Variants in NME7 observed in about 807,000 individuals in gnomAD.
The protein encoded by NME7 is nucleoside diphosphate kinase 7.
A neutral mutation model predicts 49.1 loss-of-function variants in NME7; 41 were observed. The observed-to-expected ratio is 0.83, with a 90% CI of 0.65 to 1.08. The LOEUF is 1.08. NME7 is among the 50% of genes least tolerant of loss of function. The pLI is 0.00. For synonymous variants in NME7, 139 were observed against 150.6 expected, an observed-to-expected ratio of 0.92 and a Z score of 0.56; for missense variants, 423 against 463.4, an observed-to-expected ratio of 0.91 and a Z score of 0.80.
At position 169,255,959 on chromosome 1, in the gene NME7, G is replaced by C. The variant is rs1318984437; in HGVS notation, c.755-18272C>G. Among the ~76,000 whole-genome samples the C allele has an allele frequency of 4.5e-5, 6 of 133,068 alleles. No individual in the cohort carries two copies. The East Asian group carries it at 1.2e-3, about 27-fold the overall frequency. The allele number at this position is 133,068 out of a possible 152,430, so 87.3% of individuals were successfully genotyped here. ...CTGTTAGTCTGATGGGCTTTCCTTT[G>C]AGGGTAACCCGACCTTTCTCTCTGG... On this transcript the variant is annotated intron_variant, in intron 7 of 11. Coordinates refer to ENST00000367811, the MANE Select transcript of NME7 (RefSeq NM_013330.5).
At chr1:169,253,671 C>G (rs534977991) in intron 7 of NME7, among the ~76,000 whole-genome samples, 1 of 152,140 alleles carries the variant, frequency 6.6e-6, no homozygotes, top group Non-Finnish European at 1.5e-5. Context: ...CTAGTTTTTG[C>G]CCATTCAGTA....
chr1:169,193,298 GTC>G (rs990378226), intron 10 of NME7, among the ~76,000 whole-genome samples: 72 of 152,136 alleles, frequency 4.7e-4, no homozygotes, highest in African/African-American at 1.7e-3. Flanking sequence ...GGCCCCCAAA[GTC>G]TCTCTTTTTG....
chr1:169,209,965 A>G (rs1660767401), intron 10 of NME7, among the ~76,000 whole-genome samples: 1 of 152,140 alleles, frequency 6.6e-6, no homozygotes, highest in African/African-American at 2.4e-5. Context: ...CAATTATCAG[A>G]TTCTTCTAAA....
chr1:169,169,383 CA>C (rs1659511853), intron 11 of NME7, 63 bp downstream of exon 11: 5 of 1,434,158 alleles, frequency 3.5e-6, no homozygotes, highest in Non-Finnish European at 4.8e-6. Context: ...TCTTACACAT[CA>C]GAACTCCTGA....
chr1:169,183,507 TAAGAA>T (rs1327379019), intron 10 of NME7, among the ~76,000 whole-genome samples: 2 of 152,122 alleles, frequency 1.3e-5, no homozygotes, highest in Admixed American at 6.5e-5. Flanking sequence ...ACATATTTCT[TAAGAA>T]AAGCCCTGGC....
chr1:169,158,670 C>T (rs79478286), intron 11 of NME7, among the ~76,000 whole-genome samples: 6,345 of 152,164 alleles, frequency 0.042, 210 homozygotes, highest in East Asian at 0.13. Context: ...TGCACTAGGA[C>T]GGTAGTTCTC....
Position 169,265,465 on chromosome 1 carries a change from T to C in NME7, c.754+21838A>G, listed in dbSNP as rs1207413929. On this transcript the variant is annotated intron_variant, in intron 7 of 11. Transcript: ENST00000367811. ...CAAAGACACAACAAATCAGTATTTCTGGGACACAGCTAAGGCAGTGTTAAG... is the reference window on the plus strand; with the variant it reads ...CAAAGACACAACAAATCAGTATTTCCGGGACACAGCTAAGGCAGTGTTAAG... Among the ~76,000 whole-genome samples, 3 of 133,474 alleles carry C rather than the reference T, an allele frequency of 2.2e-5. 1 individual carries two copies. Among genetic ancestry groups the C allele is most frequent in the Non-Finnish European group, 5.3e-5 (3 of 56,952 alleles). The allele number at this position is 133,474 out of a possible 152,430, so 87.6% of individuals were successfully genotyped here. A position where few individuals can be genotyped will look rare whatever the true frequency, so the allele number is the denominator to read the frequency against.
At position 169,304,177 on chromosome 1, in the gene NME7, C is replaced by T. The variant is rs993182918; in HGVS notation, c.390-982G>A. On this transcript the variant is annotated intron_variant, in intron 4 of 11. Coordinates refer to ENST00000367811, the MANE Select transcript of NME7 (RefSeq NM_013330.5). ...TATTACCACTAAAGAATATCTACAG[C>T]GGCAATAAAAGAATGCATTTTAAAC... Among the ~76,000 whole-genome samples, 12 of 152,142 alleles carry T rather than the reference C, an allele frequency of 7.9e-5. 2 individuals carry two copies. The highest frequency in any genetic ancestry group is 2.1e-4 in the South Asian group (1 of 4,822).
chr1:169,322,677 A>C (rs1049234921), intron 3 of NME7, among the ~76,000 whole-genome samples: 1 of 148,686 alleles, frequency 6.7e-6, no homozygotes, highest in African/African-American at 2.5e-5. Flanking sequence ...ATTAGATATA[A>C]ATATATATAT....
chr1:169,202,335 T>C (rs1252189525), intron 10 of NME7, among the ~76,000 whole-genome samples: 1 of 152,140 alleles, frequency 6.6e-6, no homozygotes, highest in African/African-American at 2.4e-5. Context: ...TAACAGTGTA[T>C]GGCACCCCCC....
At chr1:169,364,270 AT>A (rs936677494) in intron 1 of NME7, among the ~76,000 whole-genome samples, 2 of 152,238 alleles carry the variant, frequency 1.3e-5, no homozygotes, top group Non-Finnish European at 2.9e-5. Context: ...TTTCAACCGA[AT>A]GAGGCAAGTA....
In NME7 at chr1:169,258,346, C is replaced by CA. The variant is rs200814239; in HGVS notation, c.755-20660dup. ...TGGATGACAGAGTAAGACCTTGTCT[C>CA]AAAAAAAATAAAATAAAATAAAATA... On this transcript the variant is annotated intron_variant, in intron 7 of 11. Transcript: ENST00000367811. Among the ~76,000 whole-genome samples, 20 of 91,546 alleles carry CA rather than the reference C, an allele frequency of 2.2e-4. 3 individuals are homozygous for CA. Among genetic ancestry groups the CA allele is most frequent in the Admixed American group, 3.7e-4 (3 of 8,044 alleles). The allele number at this position is 91,546 out of a possible 152,430, so 60.1% of individuals were successfully genotyped here.
chr1:169,298,743 G>C lies in NME7; in HGVS notation c.461C>G (p.Thr154Arg), dbSNP rs1650814262. The change falls in exon 6 of 12, where the codon ACA becomes AGA. Residue 154 changes from threonine (T) to arginine (R), a missense_variant. Thr to Arg is a moderately conservative substitution (Grantham distance 71, BLOSUM62 -1). Coordinates refer to ENST00000367811, the MANE Select transcript of NME7 (RefSeq NM_013330.5). ...PFFNELIQFI[T>R]TGPIIAMEIL... ...CTCCATGGCAATAATAGGACCAGTT[G>C]TAATAAACTGGATCAGCTCACTACA... 6.2e-7 allele frequency: 1 copy of C among 1,613,428 alleles called. No homozygotes were observed. Among genetic ancestry groups the C allele is most frequent in the South Asian group, 1.1e-5 (1 of 91,074 alleles).
chr1:169,163,971 G>T (rs565395543), intron 11 of NME7, among the ~76,000 whole-genome samples: 6 of 152,018 alleles, frequency 3.9e-5, no homozygotes, highest in Admixed American at 2.6e-4. Flanking sequence ...TTAGCTGGGC[G>T]TGGTGGCATG....
At chr1:169,276,762 T>G (rs1183267709) in intron 7 of NME7, among the ~76,000 whole-genome samples, 2 of 134,238 alleles carry the variant, frequency 1.5e-5, no homozygotes, top group East Asian at 2.0e-4. Flanking sequence ...CTTTTCTAGT[T>G]CTTTTAATTG....
intron 7 of NME7, among the ~76,000 whole-genome samples, chr1:169,252,421 T>G (rs1408981227): frequency 6.6e-6 from 1 of 152,050 alleles, no homozygotes; most frequent in Non-Finnish European, 1.5e-5. Flanking sequence ...TGTTTTTTTC[T>G]TAAAAATTTG....
chr1:169,330,334 C>G (rs1652205848), intron 1 of NME7, among the ~76,000 whole-genome samples: 1 of 152,066 alleles, frequency 6.6e-6, no homozygotes, highest in Non-Finnish European at 1.5e-5. Flanking sequence ...TAGAGAAATG[C>G]AAATCAAAAC....
intron 1 of NME7, among the ~76,000 whole-genome samples, chr1:169,335,040 C>T (rs562261646): frequency 1.3e-4 from 19 of 151,878 alleles, no homozygotes; most frequent in African/African-American, 7.2e-5. Context: ...GTTAGAATGA[C>T]GATTAAAAAG....
chr1:169,318,861 CAGAG>C (rs767554364), intron 3 of NME7, among the ~76,000 whole-genome samples: 22 of 151,918 alleles, frequency 1.4e-4, no homozygotes, highest in Non-Finnish European at 3.1e-4. Flanking sequence ...AAAAAATAGC[CAGAG>C]AGATAGAGAT....
Sources: gnomAD v4.1 joint callset for allele counts (sites outside exome capture counted in the v4.1 genomes callset) on GRCh38, gnomAD v4.1.1 for gene constraint, MANE v1.5 for transcripts, NCBI Gene and HGNC (gene_info 2026-07-23, HGNC 2026-07-21) for gene names.